Variants in RSF1 observed in about 807,000 individuals in gnomAD.
RSF1 encodes the protein remodeling and spacing factor 1.
RSF1 carries 13 observed loss-of-function variants against 145.2 expected under a neutral mutation model. The observed-to-expected ratio is 0.09, with a 90% CI of 0.06 to 0.14. The LOEUF (loss-of-function observed/expected upper bound fraction) is 0.14, where lower values mean the gene tolerates loss of function less well. Ranked by LOEUF, RSF1 falls within the 10% of genes least tolerant of loss-of-function variation. The pLI is 1.00. For synonymous variants in RSF1, 577 were observed against 592.6 expected, an observed-to-expected ratio of 0.97 and a Z score of 0.38; for missense variants, 1,517 against 1,718.2, an observed-to-expected ratio of 0.88 and a Z score of 2.07.
At chr11:77,776,967 A>G (rs1948348359) in intron 1 of RSF1, among the ~76,000 whole-genome samples, 1 of 152,226 alleles carries the variant, frequency 6.6e-6, no homozygotes, top group South Asian at 2.1e-4. Context: ...AACTACAAAT[A>G]GAAAAACTTC....
At chr11:77,747,859 T>G (rs1305385202) in intron 2 of RSF1, among the ~76,000 whole-genome samples, 1 of 152,188 alleles carries the variant, frequency 6.6e-6, no homozygotes, top group Non-Finnish European at 1.5e-5. Flanking sequence ...GCTAGTTTTT[T>G]CAGCAATAAA....
the RSF1 span, among the ~76,000 whole-genome samples, chr11:77,849,654 T>A: frequency 7.9e-5 from 12 of 152,178 alleles, no homozygotes; most frequent in Admixed American, 1.3e-4. Flanking sequence ...TGTTTTTTTT[T>A]AATTATGCAG....
chr11:77,698,527 T>A lies in RSF1; in HGVS notation c.2675A>T (p.Glu892Val). ...TGGAAGGCCACATTTTTTGCATGGT[T>A]CATCATCATCTGCTAGGATGGCTTC... is the stretch of plus-strand genomic sequence containing the variant. ...SEEAILADDD[E>V]PCKKCGLPNH... The change falls in exon 7 of 16, where the codon GAA (glutamate) becomes GTA (valine). Residue 892 changes from glutamate to valine, a missense_variant. Physicochemically the swap from Glu to Val is moderately radical, Grantham distance 121 (BLOSUM62 -2). Around this residue, in one of 12 missense-constraint regions of RSF1, gnomAD observed 24 missense variants for 32.1 expected, o/e 0.75. Transcript: ENST00000308488. The A allele has an allele frequency of 6.2e-7, 1 of 1,614,130 alleles. No individual in the cohort carries two copies. The highest frequency in any genetic ancestry group is 8.5e-7 in the Non-Finnish European group (1 of 1,180,002).
intron 1 of RSF1, among the ~76,000 whole-genome samples, chr11:77,771,968 C>T (rs1644395240): frequency 6.6e-6 from 1 of 152,146 alleles, no homozygotes; most frequent in Admixed American, 6.5e-5. Flanking sequence ...AATGTTAAAA[C>T]ATTTTCTAAG....
intron 5 of RSF1, among the ~76,000 whole-genome samples, chr11:77,708,733 C>A (rs1014996614): frequency 2.0e-5 from 3 of 152,220 alleles, no homozygotes; most frequent in Non-Finnish European, 4.4e-5. Context: ...CAAGGCCCTG[C>A]ACAATTGGCA....
At chr11:77,678,492 C>T (rs1042163811) in intron 11 of RSF1, among the ~76,000 whole-genome samples, 2 of 152,260 alleles carry the variant, frequency 1.3e-5, no homozygotes, top group East Asian at 1.9e-4. Context: ...GGATTACAGG[C>T]GTGAGCCACC....
intron 1 of RSF1, among the ~76,000 whole-genome samples, chr11:77,806,150 T>A (rs1948675017): frequency 6.6e-6 from 1 of 152,046 alleles, no homozygotes; most frequent in Non-Finnish European, 1.5e-5. Context: ...AAGAATTGTT[T>A]CAGAAATGAG....
chr11:77,761,022 G>A (rs1302810724), intron 2 of RSF1, among the ~76,000 whole-genome samples: 1 of 151,880 alleles, frequency 6.6e-6, no homozygotes, highest in African/African-American at 2.4e-5. Context: ...CCGCCTCCCT[G>A]CAACTTCCGC....
Position 77,701,706 on chromosome 11 carries a change from G to A in RSF1, c.1523C>T (p.Pro508Leu). The change falls in exon 6 of 16, where the codon CCT becomes CTT. Residue 508 changes from proline (P) to leucine (L), a missense_variant. Transcript: ENST00000308488. The part of the protein sequence containing the change: ...KTGELEKETA[P>L]LRKDADSSIS... The stretch of plus-strand genomic sequence containing the variant: ...TGAACTATCTGCATCTTTCCTCAAA[G>A]GGGCTGTTTCTTTCTCAAGCTCACC... 2 of 1,613,722 alleles carry A rather than the reference G, an allele frequency of 1.2e-6. No individual in the cohort carries two copies. The highest frequency in any genetic ancestry group is 8.5e-7 in the Non-Finnish European group (1 of 1,179,958).
At chr11:77,785,859 G>A (rs1429651162) in intron 1 of RSF1, among the ~76,000 whole-genome samples, 2 of 136,346 alleles carry the variant, frequency 1.5e-5, no homozygotes, top group Non-Finnish European at 3.1e-5. Context: ...CTGGGAGGCA[G>A]AGCTTGCAGC....
chr11:77,826,146 C>T, the RSF1 span, among the ~76,000 whole-genome samples: 9 of 152,060 alleles, frequency 5.9e-5, 1 homozygote, highest in South Asian at 1.9e-3. Context: ...TCTGAGAGGC[C>T]GAGGTGGGAG....
the RSF1 span, among the ~76,000 whole-genome samples, chr11:77,843,433 T>C: frequency 1.3e-5 from 2 of 152,220 alleles, no homozygotes; most frequent in African/African-American, 2.4e-5. Context: ...AAAGTCCTGC[T>C]CCTCCTGGGA....
chr11:77,862,206 T>A, the RSF1 span, among the ~76,000 whole-genome samples: 1 of 152,306 alleles, frequency 6.6e-6, no homozygotes, highest in East Asian at 1.9e-4. Context: ...TGGGGAATCG[T>A]TCTCATTCCT....
In RSF1 at chr11:77,702,490, G is replaced by T; in HGVS notation, c.739C>A (p.Gln247Lys). The change falls in exon 6 of 16, where the codon CAG becomes AAG. Residue 247 changes from glutamine to lysine, a missense_variant. Gln to Lys is a moderately conservative substitution (Grantham distance 53). Coordinates refer to ENST00000308488, the MANE Select transcript of RSF1 (RefSeq NM_016578.4). ...KEEETPKQEE[Q>K]KESEKMKSEE... is the part of the protein sequence containing the mutation. ...CTTTTCATCTTTTCACTTTCTTTCT[G>T]TTCCTCTAAAAATCAGAAAAAGCTT... The T allele has an allele frequency of 6.5e-7, 1 of 1,529,630 alleles. No individual in the cohort carries two copies. The highest frequency in any genetic ancestry group is 1.3e-5 in the South Asian group (1 of 75,914). 94.8% of individuals were successfully genotyped at this position (1,529,630 alleles called of 1,614,324 possible).
chr11:77,709,584 A>G (rs1033513775), intron 5 of RSF1, among the ~76,000 whole-genome samples: 2 of 152,260 alleles, frequency 1.3e-5, no homozygotes, highest in Admixed American at 1.3e-4. Context: ...AATGGGTTCA[A>G]ATACTGAAAT....
intron 14 of RSF1, 30 bp from the exon 15 acceptor site, chr11:77,672,260 A>G: frequency 6.5e-7 from 1 of 1,536,784 alleles, no homozygotes; most frequent in African/African-American, 1.4e-5. Flanking sequence ...AACAAAGTAC[A>G]AAATTTAAGT....
intron 1 of RSF1, among the ~76,000 whole-genome samples, chr11:77,772,795 C>G (rs1199071612): frequency 7.5e-6 from 1 of 134,140 alleles, no homozygotes. Flanking sequence ...AATTCACACT[C>G]TTTTCAGACT....
chr11:77,737,226 T>C (rs554332342), intron 4 of RSF1, among the ~76,000 whole-genome samples: 2 of 152,208 alleles, frequency 1.3e-5, no homozygotes, highest in African/African-American at 2.4e-5. Context: ...AGCAAGTGAA[T>C]AGCTTGTGCT....
intron 11 of RSF1, among the ~76,000 whole-genome samples, chr11:77,679,362 C>T (rs1474944567): frequency 1.3e-5 from 2 of 152,196 alleles, no homozygotes. Flanking sequence ...AATTACAGTT[C>T]CATAAATACT....
Sources: allele counts gnomAD v4.1 joint callset (sites outside exome capture counted in the v4.1 genomes callset), GRCh38; gene constraint gnomAD v4.1.1; regional missense constraint gnomAD v4.1.1; transcripts MANE v1.5; gene names NCBI Gene and HGNC (gene_info 2026-07-23, HGNC 2026-07-21).